Variants in ADAM29 observed in about 807,000 individuals in gnomAD.
ADAM29 encodes ADAM metallopeptidase domain 29, also known as disintegrin and metalloproteinase domain-containing protein 29.
For synonymous variants in ADAM29, 367 were observed against 342.3 expected, an observed-to-expected ratio of 1.07 and a Z score of -0.80; for missense variants, 969 against 1,001.8, an observed-to-expected ratio of 0.97 and a Z score of 0.44.
intron 4 of ADAM29, among the ~76,000 whole-genome samples, chr4:174,943,438 G>C (rs1174005086): frequency 1.3e-5 from 2 of 152,158 alleles, no homozygotes; most frequent in African/African-American, 2.4e-5. Flanking sequence ...GTTCCACATA[G>C]CTTTGGAGGC....
At chr4:174,931,393 A>C (rs1011589304) in intron 3 of ADAM29, 7 of 152,328 alleles carry the variant, frequency 4.6e-5, no homozygotes, top group African/African-American at 1.7e-4. Context: ...CTCAATTTCA[A>C]AATAAGGTTC....
chr4:174,956,329 A>G (rs966919892), intron 4 of ADAM29, among the ~76,000 whole-genome samples: 1 of 151,994 alleles, frequency 6.6e-6, no homozygotes, highest in Non-Finnish European at 1.5e-5. Flanking sequence ...TCTTTAATGT[A>G]TATATACTTG....
At chr4:174,919,115 G>A (rs752943617) in intron 1 of ADAM29, 11 of 152,082 alleles carry the variant, frequency 7.2e-5, no homozygotes, top group Non-Finnish European at 1.3e-4. Context: ...GTTTAGCTGA[G>A]CTCTAGGACT....
chr4:174,940,375 G>A (rs192519068), intron 4 of ADAM29, among the ~76,000 whole-genome samples: 1 of 152,252 alleles, frequency 6.6e-6, no homozygotes, highest in East Asian at 1.9e-4. Context: ...ATGTTAACAT[G>A]ATGACAGGCA....
Position 174,962,341 on chromosome 4 carries a change from C to A in ADAM29, c.-180-13005C>A, listed in dbSNP as rs570277580. ...CCTGGCTAACACGGTGAAACCCCGT[C>A]TCTACTAAAAATACAAAAAAATTAG... On this transcript the variant is annotated intron_variant, in intron 4 of 4. Transcript: ENST00000359240. Among the ~76,000 whole-genome samples the A allele has an allele frequency of 8.9e-4, 136 of 152,078 alleles. 1 individual carries two copies. The highest frequency in any genetic ancestry group is 1.6e-3 in the Non-Finnish European group (108 of 67,998).
intron 4 of ADAM29, among the ~76,000 whole-genome samples, chr4:174,963,131 A>G (rs1264183228): frequency 6.6e-6 from 1 of 152,192 alleles, no homozygotes; most frequent in African/African-American, 2.4e-5. Flanking sequence ...ACATGGGAAA[A>G]CACATAATAA....
At chr4:174,973,253 T>A (rs1040948278) in intron 4 of ADAM29, among the ~76,000 whole-genome samples, 1 of 152,154 alleles carries the variant, frequency 6.6e-6, no homozygotes, top group Non-Finnish European at 1.5e-5. Flanking sequence ...AAAGCCCCTT[T>A]AAAAATTTTG....
Position 174,975,872 on chromosome 4 carries a change from T to C in ADAM29, c.347T>C (p.Leu116Pro). 1.9e-6 allele frequency: 3 copies of C among 1,613,850 alleles called. No homozygotes were observed. Among genetic ancestry groups the C allele is most frequent in the Non-Finnish European group, 2.5e-6 (3 of 1,179,920 alleles). Residue 116 changes from leucine (L) to proline (P), a missense_variant, in exon 5 of 5, where the codon CTC becomes CCC. Leu to Pro is a moderately conservative substitution (Grantham distance 98). Coordinates refer to ENST00000359240, the MANE Select transcript of ADAM29 (RefSeq NM_014269.4). Reference sequence around the variant, plus strand: ...GGGGACCCAGAATCCCTGGTTTCCCTCAGTACCTGTTTTGGGGGTTTTCAA... The same window carrying C: ...GGGGACCCAGAATCCCTGGTTTCCCCCAGTACCTGTTTTGGGGGTTTTCAA... Reference protein sequence around the residue: ...VEGDPESLVSLSTCFGGFQGI... With the variant: ...VEGDPESLVSPSTCFGGFQGI...
At chr4:174,966,850 T>G (rs979314069) in intron 4 of ADAM29, among the ~76,000 whole-genome samples, 1 of 152,242 alleles carries the variant, frequency 6.6e-6, no homozygotes, top group Admixed American at 6.5e-5. Context: ...TGTAGCAGAA[T>G]GGCAAAATAA....
At chr4:174,953,979 T>C (rs1304468150) in intron 4 of ADAM29, among the ~76,000 whole-genome samples, 1 of 152,206 alleles carries the variant, frequency 6.6e-6, no homozygotes, top group Non-Finnish European at 1.5e-5. Flanking sequence ...CCCAAAGTGT[T>C]GGGATTACAG....
chr4:174,923,689 T>C (rs865982674), intron 2 of ADAM29: 1 of 151,882 alleles, frequency 6.6e-6, no homozygotes, highest in African/African-American at 2.4e-5. Flanking sequence ...GATATGATTT[T>C]TTTCCTTGTG....
At chr4:174,928,010 G>A (rs1743617636) in intron 2 of ADAM29, among the ~76,000 whole-genome samples, 1 of 152,068 alleles carries the variant, frequency 6.6e-6, no homozygotes, top group African/African-American at 2.4e-5. Flanking sequence ...TGTTTGGTGG[G>A]GGAATATAAG....
Position 174,978,067 on chromosome 4 carries a change from C to CA in ADAM29, c.*80dup, listed in dbSNP as rs1747020426. ...GAGCCAACCTCGGGTGACACCCTCCCAGAGTCAACCTCATGTGACACCTTA... is the reference window on the plus strand; with the variant it reads ...GAGCCAACCTCGGGTGACACCCTCCCAAGAGTCAACCTCATGTGACACCTTA... On this transcript the variant is annotated 3_prime_UTR_variant, in exon 5 of 5. Transcript: ENST00000359240. 2 of 1,577,098 alleles carry CA rather than the reference C, an allele frequency of 1.3e-6. No homozygotes were observed. Among genetic ancestry groups the CA allele is most frequent in the Middle Eastern group, 1.7e-4 (1 of 5,898 alleles).
intron 4 of ADAM29, among the ~76,000 whole-genome samples, chr4:174,971,494 G>C (rs562967443): frequency 1.6e-3 from 245 of 152,160 alleles, no homozygotes; most frequent in African/African-American, 5.6e-3. Flanking sequence ...TTCTTGGTTG[G>C]CAGTTTCTTT....
At chr4:174,962,113 A>C (rs1745855304) in intron 4 of ADAM29, among the ~76,000 whole-genome samples, 1 of 152,204 alleles carries the variant, frequency 6.6e-6, no homozygotes, top group African/African-American at 2.4e-5. Context: ...TCATATGTAA[A>C]ATTTGCATAA....
intron 3 of ADAM29, among the ~76,000 whole-genome samples, chr4:174,932,057 G>C (rs1226158161): frequency 6.6e-6 from 1 of 152,122 alleles, no homozygotes; most frequent in Non-Finnish European, 1.5e-5. Flanking sequence ...GGGAGGGCAA[G>C]GCAGGTAGAT....
intron 1 of ADAM29, among the ~76,000 whole-genome samples, chr4:174,920,014 A>C (rs1402083593): frequency 6.6e-6 from 1 of 152,184 alleles, no homozygotes; most frequent in Non-Finnish European, 1.5e-5. Flanking sequence ...TTATCTGAGA[A>C]TTTATGCATA....
rs1191493845 is a variant in ADAM29, at chr4:174,975,756, C to T, written c.231C>T (p.His77=). Residue 77 remains histidine (H), a synonymous_variant, in exon 5 of 5, where the codon CAC becomes CAT. Coordinates refer to ENST00000359240, the MANE Select transcript of ADAM29 (RefSeq NM_014269.4). Reference sequence around the variant, plus strand: ...TCAAGAAGCTTTTGTTTTCCAAACACCTCCCTGTGTTCACCTACACAGACC... The same window carrying T: ...TCAAGAAGCTTTTGTTTTCCAAACATCTCCCTGTGTTCACCTACACAGACC... The part of the protein sequence containing the change: ...IKVKKLLFSK[H]LPVFTYTDQG... 3 of 1,613,620 alleles carry T rather than the reference C, an allele frequency of 1.9e-6. No individual in the cohort carries two copies. The highest frequency in any genetic ancestry group is 2.5e-6 in the Non-Finnish European group (3 of 1,179,848).
At chr4:174,933,421 T>A (rs1419063839) in intron 3 of ADAM29, among the ~76,000 whole-genome samples, 1 of 152,170 alleles carries the variant, frequency 6.6e-6, no homozygotes, top group Non-Finnish European at 1.5e-5. Context: ...AAGGAGCTTT[T>A]GTGATATGTT....
Sources: gnomAD v4.1 joint callset for allele counts (sites outside exome capture counted in the v4.1 genomes callset) on GRCh38, gnomAD v4.1.1 for gene constraint, MANE v1.5 for transcripts, NCBI Gene and HGNC (gene_info 2026-07-23, HGNC 2026-07-21) for gene names.